Variants in TUSC3 observed in about 807,000 individuals in gnomAD.
The protein encoded by TUSC3 is dolichyl-diphosphooligosaccharide--protein glycosyltransferase subunit TUSC3.
A neutral mutation model predicts 44.8 loss-of-function variants in TUSC3; 45 were observed. The observed-to-expected ratio is 1.00, with a 90% CI of 0.79 to 1.29. The LOEUF is 1.29. Ranked by LOEUF, TUSC3 falls within the 50% of genes most tolerant of loss-of-function variation. The pLI, the probability that TUSC3 is intolerant of heterozygous loss-of-function variation, is 0.00. For synonymous variants in TUSC3, 212 were observed against 152.9 expected (o/e 1.39, Z -2.85); for missense variants, 519 against 437.9 (o/e 1.19, Z -1.65).
At chr8:15,736,272 T>C (rs1810934182) in intron 7 of TUSC3, among the ~76,000 whole-genome samples, 1 of 152,210 alleles carries the variant, frequency 6.6e-6, no homozygotes, top group Admixed American at 6.5e-5. Context: ...TTTACAATTA[T>C]GTTCTTAAAA....
chr8:15,795,910 G>A, the TUSC3 span, among the ~76,000 whole-genome samples: 1 of 152,112 alleles, frequency 6.6e-6, no homozygotes, highest in Non-Finnish European at 1.5e-5. Flanking sequence ...AATGCCACAG[G>A]GTCAGATGAT....
chr8:15,635,939 G>A (rs1806053994), intron 2 of TUSC3, among the ~76,000 whole-genome samples: 1 of 152,184 alleles, frequency 6.6e-6, no homozygotes, highest in Admixed American at 6.5e-5. Context: ...TAGTTCGCAT[G>A]TGTGATTTGT....
At chr8:15,722,723 T>G (rs1336389616) in intron 6 of TUSC3, among the ~76,000 whole-genome samples, 1 of 152,082 alleles carries the variant, frequency 6.6e-6, no homozygotes, top group East Asian at 1.9e-4. Context: ...GGACTCCCAC[T>G]GTTCCAATGG....
At chr8:15,494,860 A>G (rs562482884) in intron 2 of TUSC3, among the ~76,000 whole-genome samples, 6 of 152,236 alleles carry the variant, frequency 3.9e-5, no homozygotes, top group Admixed American at 2.0e-4. Context: ...CTCCTTTTTG[A>G]TAGGAATGAT....
At chr8:15,531,636 C>G (rs1238171276) in intron 2 of TUSC3, among the ~76,000 whole-genome samples, 1 of 152,188 alleles carries the variant, frequency 6.6e-6, no homozygotes, top group Non-Finnish European at 1.5e-5. Flanking sequence ...TTGAATGCCC[C>G]TCATCCTTTC....
chr8:15,807,119 G>C, the TUSC3 span: 1 of 1,119,036 alleles, frequency 8.9e-7, no homozygotes, highest in African/African-American at 1.5e-5. Flanking sequence ...ACACAGCAAA[G>C]AATGACCACC....
At chr8:15,832,654 C>G in the TUSC3 span, among the ~76,000 whole-genome samples, 6 of 152,114 alleles carry the variant, frequency 3.9e-5, no homozygotes, top group Non-Finnish European at 5.9e-5. Context: ...ACAAAACAGA[C>G]TTTAAACCAA....
At chr8:15,443,111 C>T (rs144711044) in intron 1 of TUSC3, among the ~76,000 whole-genome samples, 4 of 152,160 alleles carry the variant, frequency 2.6e-5, no homozygotes, top group African/African-American at 4.8e-5. Context: ...CTCTCCCCTA[C>T]TGTAGTAGTT....
At chr8:15,485,321 C>G (rs75679919) in intron 2 of TUSC3, among the ~76,000 whole-genome samples, 21,422 of 152,090 alleles carry the variant, frequency 0.14, 2,168 homozygotes, top group East Asian at 0.37. Context: ...GGGTTCATCA[C>G]CAGGTTTTGT....
chr8:15,554,600 ATTTTTT>A lies in TUSC3; in HGVS notation c.138+14047_138+14052del, dbSNP rs376264004. On this transcript the variant is annotated intron_variant, in intron 1 of 10. Transcript: ENST00000503731. ...CTGTTGACTTTTGCATTTTACTATA[ATTTTTT>A]TTTTTTTTTTTTTTGAGATGGAGTC... Among the ~76,000 whole-genome samples, 66 of 111,656 alleles carry A rather than the reference ATTTTTT, an allele frequency of 5.9e-4. 1 individual carries two copies. In the East Asian group the frequency reaches 0.015, roughly 25 times the overall value. The allele number at this position is 111,656 out of a possible 152,430, so 73.3% of individuals were successfully genotyped here. A position where few individuals can be genotyped will look rare whatever the true frequency, so the allele number is the denominator to read the frequency against.
chr8:15,812,580 C>T, the TUSC3 span, among the ~76,000 whole-genome samples: 4 of 152,100 alleles, frequency 2.6e-5, no homozygotes, highest in African/African-American at 9.7e-5. Flanking sequence ...ACATATACTC[C>T]TGGCCGTCTG....
At chr8:15,496,273 G>A (rs559872292) in intron 2 of TUSC3, among the ~76,000 whole-genome samples, 4 of 152,222 alleles carry the variant, frequency 2.6e-5, no homozygotes, top group African/African-American at 9.6e-5. Flanking sequence ...TTTAACATAT[G>A]TTCTGCCCTC....
chr8:15,685,929 A>C (rs1046299947), intron 6 of TUSC3, among the ~76,000 whole-genome samples: 1 of 129,514 alleles, frequency 7.7e-6, no homozygotes, highest in South Asian at 2.5e-4. Flanking sequence ...TGTGAAATCA[A>C]ACATGTCTAG....
chr8:15,689,372 G>C, intron 6 of TUSC3: 1 of 230,010 alleles, frequency 4.3e-6, no homozygotes, highest in Non-Finnish European at 8.7e-6. Context: ...CTTGTGGCTG[G>C]GGCCTGGGGG....
Position 15,764,242 on chromosome 8 carries a change from T to A in TUSC3, c.*86T>A, listed in dbSNP as rs1219915471. 1 of 1,604,750 alleles carries A rather than the reference T, an allele frequency of 6.2e-7. No individual in the cohort carries two copies. Among genetic ancestry groups the A allele is most frequent in the South Asian group, 1.1e-5 (1 of 90,756 alleles). On this transcript the variant is annotated 3_prime_UTR_variant, in exon 11 of 11. Transcript: ENST00000503731. The stretch of plus-strand genomic sequence containing the variant: ...GAAGCCAAGTGGGATTTGCATAAAG[T>A]GAATGTTTACCATGAAGATAAACTG...
chr8:15,735,645 A>G (rs576475771), intron 7 of TUSC3, among the ~76,000 whole-genome samples: 1 of 152,206 alleles, frequency 6.6e-6, no homozygotes, highest in African/African-American at 2.4e-5. Flanking sequence ...TATTTGTTGT[A>G]AATATCTGAA....
rs552694385 is a variant in TUSC3 at position 15,577,283 on chromosome 8, G to C, written c.138+36715G>C. ...AGGTTGCCTGTTCACTCTGATGGTA[G>C]TTTCTTTTGCTGTGCAGAAGCTCTT... On this transcript the variant is annotated intron_variant, in intron 1 of 10. Coordinates refer to ENST00000503731, the MANE Select transcript of TUSC3 (RefSeq NM_006765.4). Among the ~76,000 whole-genome samples the C allele has an allele frequency of 3.6e-4, 54 of 151,654 alleles. 1 individual carries two copies. The highest frequency in any genetic ancestry group is 1.3e-3 in the African/African-American group (54 of 41,434).
intron 2 of TUSC3, among the ~76,000 whole-genome samples, chr8:15,530,316 G>C (rs192668465): frequency 4.6e-5 from 7 of 152,034 alleles, no homozygotes; most frequent in Non-Finnish European, 1.0e-4. Context: ...CTACTCCTGT[G>C]TTTACCCTAG....
Position 15,662,188 on chromosome 8 carries a change from T to G in TUSC3, c.600T>G (p.Gly200=). ...TTTTCAGACCACCCAACTACTCTGG[T>G]ACCATTGCTTTGGCCCTGTTAGTGT... ...IRVFRPPNYS[G]TIALALLVSL... Residue 200 remains glycine (G), a synonymous_variant, in exon 5 of 11, where the codon GGT becomes GGG. Coordinates refer to ENST00000503731, the MANE Select transcript of TUSC3 (RefSeq NM_006765.4). 1 of 1,613,176 alleles carries G rather than the reference T, an allele frequency of 6.2e-7. No individual in the cohort carries two copies. The highest frequency in any genetic ancestry group is 8.5e-7 in the Non-Finnish European group (1 of 1,179,320).
Sources: allele counts gnomAD v4.1 joint callset (sites outside exome capture counted in the v4.1 genomes callset), GRCh38; gene constraint gnomAD v4.1.1; transcripts MANE v1.5; gene names NCBI Gene and HGNC (gene_info 2026-07-23, HGNC 2026-07-21).